TBXAS1: variants seen among roughly 807,000 people sequenced by gnomAD.
TBXAS1 encodes thromboxane-A synthase.
In TBXAS1, 48 loss-of-function variants were observed where a neutral mutation model predicts 60.7. The observed-to-expected ratio is 0.79, with a 90% confidence interval of 0.63 to 1.01. The LOEUF is 1.01. Among genes scored for constraint, TBXAS1 ranks in the 50% least tolerant of loss-of-function variants. The pLI is 0.00. For missense variants in TBXAS1, 685 were observed against 686.3 expected (o/e 1.00, Z 0.02); for synonymous variants, 287 against 269.7 (o/e 1.06, Z -0.63).
chr7:139,958,118 A>G (rs1025737904), intron 8 of TBXAS1, among the ~76,000 whole-genome samples: 2 of 152,084 alleles, frequency 1.3e-5, no homozygotes, highest in Non-Finnish European at 2.9e-5. Context: ...CCCACATGCA[A>G]TTTTCATGAG....
chr7:139,978,743 G>A (rs1321205664), intron 9 of TBXAS1, among the ~76,000 whole-genome samples: 1 of 140,370 alleles, frequency 7.1e-6, no homozygotes, highest in African/African-American at 2.7e-5. Context: ...TTCAATACCA[G>A]CTTGGGCAAT....
chr7:139,804,838 A>G (rs1299947501), intron 4 of TBXAS1, among the ~76,000 whole-genome samples: 1 of 151,876 alleles, frequency 6.6e-6, no homozygotes, highest in Non-Finnish European at 1.5e-5. Context: ...AGTCCATTAA[A>G]CCTCTTTTTC....
intron 1 of TBXAS1, 76 bp downstream of exon 1, chr7:139,829,555 G>A (rs975139010): frequency 1.5e-6 from 2 of 1,340,272 alleles, no homozygotes; most frequent in Non-Finnish European, 2.1e-6. Flanking sequence ...CCATGGCGGG[G>A]TATGTGGGAG....
chr7:139,976,800 A>C (rs1321769939), intron 9 of TBXAS1, among the ~76,000 whole-genome samples: 1 of 152,176 alleles, frequency 6.6e-6, no homozygotes, highest in Non-Finnish European at 1.5e-5. Context: ...TGAGGCACAG[A>C]TGCAAATGTG....
At chr7:139,790,654 T>C (rs925590369) in intron 4 of TBXAS1, among the ~76,000 whole-genome samples, 7 of 152,222 alleles carry the variant, frequency 4.6e-5, no homozygotes, top group African/African-American at 1.7e-4. Context: ...AAAATTCAAA[T>C]GGCAGACCAT....
At chr7:139,906,647 A>G (rs1474729680) in intron 3 of TBXAS1, among the ~76,000 whole-genome samples, 3 of 152,176 alleles carry the variant, frequency 2.0e-5, no homozygotes, top group African/African-American at 7.2e-5. Flanking sequence ...GTTTGTCTAC[A>G]CCTACAAATA....
chr7:139,995,676 T>C (rs754784536), intron 9 of TBXAS1, among the ~76,000 whole-genome samples: 23 of 152,204 alleles, frequency 1.5e-4, no homozygotes, highest in Non-Finnish European at 3.2e-4. Flanking sequence ...GTTGTAGTCC[T>C]TTGAAAATCC....
intron 2 of TBXAS1, among the ~76,000 whole-genome samples, chr7:139,873,873 C>T (rs886455334): frequency 6.6e-6 from 1 of 152,110 alleles, no homozygotes; most frequent in Non-Finnish European, 1.5e-5. Flanking sequence ...ACCACCAAGC[C>T]AAACAAAGGC....
At chr7:139,958,262 G>A (rs188682323) in intron 8 of TBXAS1, among the ~76,000 whole-genome samples, 1 of 152,142 alleles carries the variant, frequency 6.6e-6, no homozygotes, top group African/African-American at 2.4e-5. Flanking sequence ...TACAGAACTC[G>A]TGGTTGAGGG....
chr7:139,805,712 T>TTCTTTCTTTCTTTCTTTCTTTCTC (rs753031062), intron 4 of TBXAS1, among the ~76,000 whole-genome samples: 3 of 44,308 alleles, frequency 6.8e-5, no homozygotes, highest in African/African-American at 2.4e-4. Context: ...CTTTCTTTCT[T>TTCTTTCTTTCTTTCTTTCTTTCTC]TCTCTCTCTC....
intron 3 of TBXAS1, among the ~76,000 whole-genome samples, chr7:139,876,979 C>T (rs1485946629): frequency 6.6e-6 from 1 of 152,142 alleles, no homozygotes; most frequent in East Asian, 1.9e-4. Context: ...GGCAGGTTCT[C>T]ATGGTAAGGG....
chr7:140,000,215 T>C (rs1049925962), intron 9 of TBXAS1, among the ~76,000 whole-genome samples: 5 of 152,222 alleles, frequency 3.3e-5, no homozygotes, highest in East Asian at 1.9e-4. Context: ...TATTTAAATA[T>C]TGGGCCAGGC....
chr7:139,872,465 ACCAACATGGTGAAACC>A, intron 2 of TBXAS1, 137 bp downstream of exon 2: 1 of 774,524 alleles, frequency 1.3e-6, no homozygotes, highest in Non-Finnish European at 2.2e-6. Context: ...GACCAGCCTG[ACCAACATGGTGAAACC>A]CCGTCTCTAC....
At chr7:139,913,089 A>G in intron 4 of TBXAS1, 1 of 702,208 alleles carries the variant, frequency 1.4e-6, no homozygotes, top group Non-Finnish European at 2.6e-6. Context: ...GCCCAACTCC[A>G]GACATCACGT....
chr7:139,857,950 T>C (rs929323426), intron 1 of TBXAS1, among the ~76,000 whole-genome samples: 1 of 151,998 alleles, frequency 6.6e-6, no homozygotes, highest in African/African-American at 2.4e-5. Flanking sequence ...CCCAGGCTGG[T>C]CTCGAACTCT....
At chr7:139,935,786 C>T (rs574366550) in intron 4 of TBXAS1, among the ~76,000 whole-genome samples, 2 of 151,722 alleles carry the variant, frequency 1.3e-5, no homozygotes, top group African/African-American at 2.4e-5. Flanking sequence ...AATCCAGTCA[C>T]ACAAAACCCT....
chr7:140,017,872 G>A, intron 12 of TBXAS1, 39 bp downstream of exon 12: 2 of 1,613,838 alleles, frequency 1.2e-6, no homozygotes, highest in Middle Eastern at 1.7e-4. Context: ...CAGGGGCAGG[G>A]GTGGGAGGGC....
chr7:139,917,201 C>G (rs1172127824), intron 4 of TBXAS1, among the ~76,000 whole-genome samples: 1 of 152,202 alleles, frequency 6.6e-6, no homozygotes, highest in Admixed American at 6.5e-5. Context: ...CACAAACAGA[C>G]TACAGAGGGC....
chr7:139,953,251 T>C, intron 5 of TBXAS1, 117 bp from the exon 6 acceptor site: 1 of 839,166 alleles, frequency 1.2e-6, no homozygotes, highest in Non-Finnish European at 2.1e-6. Flanking sequence ...GTGAAAAATA[T>C]CTTCCAAACA....
Sources: allele counts gnomAD v4.1 joint callset (sites outside exome capture counted in the v4.1 genomes callset), GRCh38; gene constraint gnomAD v4.1.1; transcripts MANE v1.5; gene names NCBI Gene and HGNC (gene_info 2026-07-23, HGNC 2026-07-21).